TEAD1: variants seen among roughly 807,000 people sequenced by gnomAD.
TEAD1 encodes TEA domain transcription factor 1.
A neutral mutation model predicts 54.9 loss-of-function variants in TEAD1; 9 were observed. The ratio of observed to expected loss-of-function variants is 0.16; its 90% CI spans 0.10 to 0.29. The LOEUF is 0.29. TEAD1 is among the 10% of genes least tolerant of loss of function. The probability of loss-of-function intolerance (pLI) is 1.00; values close to 1 mark genes in which losing one functional copy is unlikely to be tolerated. For missense variants in TEAD1, 387 were observed against 535.9 expected, an observed-to-expected ratio of 0.72 and a Z score of 2.74; for synonymous variants, 200 against 187.8, an observed-to-expected ratio of 1.07 and a Z score of -0.53.
chr11:12,826,658 C>T (rs1191859276), intron 3 of TEAD1, among the ~76,000 whole-genome samples: 2 of 152,178 alleles, frequency 1.3e-5, no homozygotes, highest in East Asian at 1.9e-4. Flanking sequence ...AAATCCTTCA[C>T]TTCATCTGCA....
intron 4 of TEAD1, chr11:12,864,576 A>C: frequency 1.2e-5 from 11 of 930,794 alleles, no homozygotes; most frequent in Non-Finnish European, 1.0e-5. Flanking sequence ...ACCCCACCCC[A>C]AAACCCTCCC....
At chr11:12,814,799 GTGTGTGTGTGTGTGTGTGT>G in intron 3 of TEAD1, among the ~76,000 whole-genome samples, 1 of 69,126 alleles carries the variant, frequency 1.4e-5, no homozygotes, top group Middle Eastern at 7.2e-3. Flanking sequence ...GTGTGTGTGT[GTGTGTGTGTGTGTGTGTGT>G]GTGTGTGTGT....
At chr11:12,785,198 A>G (rs1945653046) in intron 3 of TEAD1, among the ~76,000 whole-genome samples, 1 of 152,174 alleles carries the variant, frequency 6.6e-6, no homozygotes, top group Non-Finnish European at 1.5e-5. Context: ...AAGTGGGGGT[A>G]GGAGAGTAGG....
intron 12 of TEAD1, among the ~76,000 whole-genome samples, chr11:12,933,488 T>C (rs768054625): frequency 2.8e-4 from 42 of 152,232 alleles, no homozygotes; most frequent in African/African-American, 5.5e-4. Context: ...AGATTACTTA[T>C]AATACCAAAT....
chr11:12,847,270 T>A (rs7105759), intron 3 of TEAD1, among the ~76,000 whole-genome samples: 104,106 of 152,044 alleles, frequency 0.68, 35,875 homozygotes, highest in East Asian at 0.77. Context: ...GATGGAGTAG[T>A]TGGGAGTAGG....
chr11:12,819,698 G>A (rs962043877), intron 3 of TEAD1, among the ~76,000 whole-genome samples: 6 of 151,996 alleles, frequency 3.9e-5, no homozygotes, highest in Middle Eastern at 3.2e-3. Context: ...TGATCCGCCC[G>A]CCTCGGTCTC....
At chr11:12,888,497 G>C (rs1948135563) in intron 9 of TEAD1, among the ~76,000 whole-genome samples, 1 of 152,044 alleles carries the variant, frequency 6.6e-6, no homozygotes, top group African/African-American at 2.4e-5. Context: ...TGACAAGAGT[G>C]AAACTCCATC....
At chr11:12,850,193 T>A (rs1947244418) in intron 3 of TEAD1, among the ~76,000 whole-genome samples, 1 of 152,156 alleles carries the variant, frequency 6.6e-6, no homozygotes. Context: ...CCCAGCACTT[T>A]CGGAGGCCGA....
At position 12,813,295 on chromosome 11, in the gene TEAD1, T is replaced by C. The variant is rs548200993; in HGVS notation, c.202+48861T>C. Reference sequence around the variant, plus strand: ...TGGGTTTCTTTTCTCTGTGAAGTTATGGCAGTGCCATCTTCCAATCAGCCA... The same window carrying C: ...TGGGTTTCTTTTCTCTGTGAAGTTACGGCAGTGCCATCTTCCAATCAGCCA... On this transcript the variant is annotated intron_variant, in intron 3 of 12. Transcript: ENST00000527636. Among the ~76,000 whole-genome samples, 7 of 152,310 alleles carry C rather than the reference T, an allele frequency of 4.6e-5. No individual in the cohort carries two copies. In the South Asian group the frequency reaches 1.2e-3, roughly 27 times the overall value.
chr11:12,698,393 G>A (rs2133834723), intron 2 of TEAD1, among the ~76,000 whole-genome samples: 1 of 152,208 alleles, frequency 6.6e-6, no homozygotes, highest in East Asian at 1.9e-4. Context: ...AGATGGTAAA[G>A]GAATTGTTTA....
intron 2 of TEAD1, among the ~76,000 whole-genome samples, chr11:12,757,364 A>G (rs1564929899): frequency 6.6e-6 from 1 of 152,182 alleles, no homozygotes; most frequent in African/African-American, 2.4e-5. Context: ...TCCAGTCATC[A>G]AAAGGGAAAG....
chr11:12,698,732 C>G (rs1228627230), intron 2 of TEAD1, among the ~76,000 whole-genome samples: 1 of 152,024 alleles, frequency 6.6e-6, no homozygotes, highest in East Asian at 1.9e-4. Flanking sequence ...AATATGAGAT[C>G]CCATCCCAGA....
At chr11:12,849,493 AT>A (rs1350717322) in intron 3 of TEAD1, 1 of 152,196 alleles carries the variant, frequency 6.6e-6, no homozygotes, top group Non-Finnish European at 1.5e-5. Flanking sequence ...TTTTTATTAG[AT>A]TACTGAGTGC....
chr11:12,715,503 G>A (rs1257814247), intron 2 of TEAD1, among the ~76,000 whole-genome samples: 1 of 152,146 alleles, frequency 6.6e-6, no homozygotes, highest in African/African-American at 2.4e-5. Context: ...GGGGGGCCCA[G>A]GTGTTCTGCT....
chr11:12,725,173 T>C (rs1944288748), intron 2 of TEAD1, among the ~76,000 whole-genome samples: 1 of 152,180 alleles, frequency 6.6e-6, no homozygotes, highest in African/African-American at 2.4e-5. Flanking sequence ...ATTGGATATA[T>C]TGTTACCCCA....
chr11:12,686,266 C>T (rs1943331849), intron 2 of TEAD1, among the ~76,000 whole-genome samples: 1 of 152,154 alleles, frequency 6.6e-6, no homozygotes, highest in Non-Finnish European at 1.5e-5. Context: ...AAATCCCAGG[C>T]AGGAGGGCTT....
At chr11:12,712,569 A>G (rs991780420) in intron 2 of TEAD1, among the ~76,000 whole-genome samples, 1 of 152,178 alleles carries the variant, frequency 6.6e-6, no homozygotes, top group Non-Finnish European at 1.5e-5. Context: ...TAAATAATGC[A>G]TGTGAAGTGC....
chr11:12,817,166 T>A (rs975281876), intron 3 of TEAD1, among the ~76,000 whole-genome samples: 4 of 152,204 alleles, frequency 2.6e-5, no homozygotes, highest in African/African-American at 4.8e-5. Context: ...CACGCTGATA[T>A]TATTATCTCA....
At chr11:12,769,565 G>A (rs1945275464) in intron 3 of TEAD1, among the ~76,000 whole-genome samples, 1 of 152,072 alleles carries the variant, frequency 6.6e-6, no homozygotes, top group Non-Finnish European at 1.5e-5. Flanking sequence ...GCTCTTTGAG[G>A]ATCAGGGAGG....
Sources: gnomAD v4.1 joint callset for allele counts (sites outside exome capture counted in the v4.1 genomes callset) on GRCh38, gnomAD v4.1.1 for gene constraint, MANE v1.5 for transcripts, NCBI Gene and HGNC (gene_info 2026-07-23, HGNC 2026-07-21) for gene names.